CNTNAP3: variants seen among roughly 807,000 people sequenced by gnomAD.
CNTNAP3 encodes contactin-associated protein-like 3.
In CNTNAP3, 36 loss-of-function variants were observed where a neutral mutation model predicts 92.1. The ratio of observed to expected loss-of-function variants is 0.39; its 90% confidence interval spans 0.30 to 0.52. CNTNAP3 has a LOEUF of 0.52. Among genes scored for constraint, CNTNAP3 ranks in the 20% least tolerant of loss-of-function variants. The pLI is 0.76. For synonymous variants in CNTNAP3, 232 were observed against 422.3 expected, an observed-to-expected ratio of 0.55 and a Z score of 5.53; for missense variants, 534 against 1,069.6, an observed-to-expected ratio of 0.50 and a Z score of 6.98.
intron 18 of CNTNAP3, among the ~76,000 whole-genome samples, chr9:39,095,342 C>G (rs1313593266): frequency 1.3e-5 from 2 of 151,638 alleles, no homozygotes; most frequent in Non-Finnish European, 3.0e-5. Context: ...ATGACTTTAG[C>G]TGGAACTTCC....
Position 39,120,249 on chromosome 9 carries a change from T to A in CNTNAP3, c.2081-1990A>T, listed in dbSNP as rs527628157. Among the ~76,000 whole-genome samples, 10 of 152,326 alleles carry A rather than the reference T, an allele frequency of 6.6e-5. No individual in the cohort carries two copies. In the South Asian group the frequency reaches 1.5e-3, roughly 22 times the overall value. On this transcript the variant is annotated intron_variant, in intron 13 of 23. Transcript: ENST00000297668. ...GCCTGTAAAAGAACCCTAATTTGAATGATAGTAGATTACTCATCTGAAATT... is the reference window on the plus strand; with the variant it reads ...GCCTGTAAAAGAACCCTAATTTGAAAGATAGTAGATTACTCATCTGAAATT...
rs1479086710 is a variant in CNTNAP3, at chr9:39,066,747, C to T, written c.*7143G>A. Among the ~76,000 whole-genome samples the T allele has an allele frequency of 5.2e-5, 8 of 152,422 alleles. No homozygotes were observed. In the East Asian group the frequency reaches 1.5e-3, roughly 29 times the overall value. On this transcript the variant is annotated 3_prime_UTR_variant, in exon 24 of 24. Coordinates refer to ENST00000297668, the MANE Select transcript of CNTNAP3 (RefSeq NM_033655.5). Reference sequence around the variant, plus strand: ...TTCCAAAAAGAAGTCTGGTATCATCCTTGTTTTTCTTCTCTGTGTAAGACT... The same window carrying T: ...TTCCAAAAAGAAGTCTGGTATCATCTTTGTTTTTCTTCTCTGTGTAAGACT...
Position 39,103,324 on chromosome 9 carries a change from G to A in CNTNAP3, c.2536+420C>T, listed in dbSNP as rs934514242. Among the ~76,000 whole-genome samples the A allele has an allele frequency of 2.8e-4, 42 of 152,204 alleles. 1 individual carries two copies. The highest frequency in any genetic ancestry group is 4.7e-4 in the Non-Finnish European group (32 of 68,036). On this transcript the variant is annotated intron_variant, in intron 16 of 23. Coordinates refer to ENST00000297668, the MANE Select transcript of CNTNAP3 (RefSeq NM_033655.5). ...TGGCTGGGTGTGGCAGTTCACACCT[G>A]TAATCCCAGCACTTTGGGAACCCGA...
chr9:39,122,173 T>A (rs541324237), intron 13 of CNTNAP3, among the ~76,000 whole-genome samples: 13 of 152,048 alleles, frequency 8.5e-5, no homozygotes, highest in African/African-American at 3.1e-4. Flanking sequence ...GCTAACATGG[T>A]GAAACCCCGT....
intron 16 of CNTNAP3, among the ~76,000 whole-genome samples, chr9:39,103,137 CAA>C (rs1398893454): frequency 6.6e-6 from 1 of 152,244 alleles, no homozygotes; most frequent in Non-Finnish European, 1.5e-5. Flanking sequence ...ACATAAAAAA[CAA>C]TATGTCTGGT....
intron 13 of CNTNAP3, among the ~76,000 whole-genome samples, chr9:39,122,991 G>A (rs941386009): frequency 1.3e-5 from 2 of 151,374 alleles, no homozygotes; most frequent in African/African-American, 2.4e-5. Context: ...GCTGAGGAAA[G>A]AATCAGTGAG....
At chr9:39,102,437 T>G in intron 17 of CNTNAP3, 60 bp downstream of exon 17, 1 of 1,552,016 alleles carries the variant, frequency 6.4e-7, no homozygotes, top group Non-Finnish European at 8.7e-7. Flanking sequence ...ACAGTTCTTA[T>G]TTTCTTTTGG....
intron 18 of CNTNAP3, among the ~76,000 whole-genome samples, chr9:39,093,042 T>G (rs1826244799): frequency 7.0e-6 from 1 of 143,360 alleles, no homozygotes; most frequent in Admixed American, 6.9e-5. Context: ...CTCTCTAGGG[T>G]TACTCTTTGC....
chr9:39,149,840 C>A lies in CNTNAP3; in HGVS notation c.1615G>T (p.Asp539Tyr), dbSNP rs1277610875. The change falls in exon 10 of 24, where the codon GAC becomes TAC. Residue 539 changes from aspartate to tyrosine, a missense_variant. Physicochemically the swap from Asp to Tyr is radical, Grantham distance 160. Coordinates refer to ENST00000297668, the MANE Select transcript of CNTNAP3 (RefSeq NM_033655.5). Reference protein sequence around the residue: ...VQQGALGSFRDLQIDSCGITD... With the variant: ...VQQGALGSFRYLQIDSCGITD... The stretch of plus-strand genomic sequence containing the variant: ...ATGCCGCAGGAGTCTATCTGGAGGT[C>A]CCTGAAACTCCCCAGCGCCCCCTGC... The A allele has an allele frequency of 1.9e-6, 3 of 1,601,748 alleles. No homozygotes were observed. The highest frequency in any genetic ancestry group is 1.7e-6 in the Non-Finnish European group (2 of 1,174,560).
chr9:39,149,271 A>G (rs1274866901), intron 10 of CNTNAP3, among the ~76,000 whole-genome samples: 2 of 152,192 alleles, frequency 1.3e-5, no homozygotes, highest in African/African-American at 4.8e-5. Context: ...TATTAAGGTA[A>G]AATTCATAAG....
At chr9:39,100,202 G>T in intron 17 of CNTNAP3, 52 bp from the exon 18 acceptor site, 1 of 1,370,294 alleles carries the variant, frequency 7.3e-7, no homozygotes, top group Non-Finnish European at 9.9e-7. Flanking sequence ...TTTTATTCAG[G>T]ATTTTATGTC....
At chr9:39,146,084 T>TC (rs1821691304) in intron 10 of CNTNAP3, among the ~76,000 whole-genome samples, 1 of 152,174 alleles carries the variant, frequency 6.6e-6, no homozygotes, top group South Asian at 2.1e-4. Context: ...ATCTAGAGAC[T>TC]ACCAACAAGT....
intron 13 of CNTNAP3, among the ~76,000 whole-genome samples, chr9:39,120,494 AC>A (rs1391380342): frequency 6.6e-6 from 1 of 152,126 alleles, no homozygotes; most frequent in Non-Finnish European, 1.5e-5. Context: ...ACACGGTGAA[AC>A]CCCGTCTCTA....
rs1022799479 is a variant in CNTNAP3 at position 39,073,679 on chromosome 9, C to G, written c.*211G>C. On this transcript the variant is annotated 3_prime_UTR_variant, in exon 24 of 24. Coordinates refer to ENST00000297668, the MANE Select transcript of CNTNAP3 (RefSeq NM_033655.5). Reference sequence around the variant, plus strand: ...ATTGATGTGGAGGACTGTGTTTCACCGAGGGAGAAAGGGACCTCCCAGAGG... The same window carrying G: ...ATTGATGTGGAGGACTGTGTTTCACGGAGGGAGAAAGGGACCTCCCAGAGG... 7.9e-7 allele frequency: 1 copy of G among 1,265,524 alleles called. No individual in the cohort carries two copies. Among genetic ancestry groups the G allele is most frequent in the East Asian group, 2.3e-5 (1 of 42,972 alleles). 78.4% of individuals were successfully genotyped at this position (1,265,524 alleles called of 1,614,324 possible). A position where few individuals can be genotyped will look rare whatever the true frequency, so the allele number is the denominator to read the frequency against.
intron 14 of CNTNAP3, among the ~76,000 whole-genome samples, chr9:39,112,670 T>C (rs1820737807): frequency 6.6e-6 from 1 of 152,158 alleles, no homozygotes; most frequent in Non-Finnish European, 1.5e-5. Flanking sequence ...AGCCCAACTG[T>C]TAATGATTAT....
At chr9:39,093,170 G>A (rs1826247420) in intron 18 of CNTNAP3, among the ~76,000 whole-genome samples, 2 of 119,306 alleles carry the variant, frequency 1.7e-5, no homozygotes, top group South Asian at 6.2e-4. Context: ...GACAATATTT[G>A]TCTTTTGATT....
intron 13 of CNTNAP3, among the ~76,000 whole-genome samples, chr9:39,123,539 T>C (rs535588037): frequency 1.3e-5 from 2 of 152,116 alleles, no homozygotes; most frequent in East Asian, 3.9e-4. Context: ...CATGAAACCA[T>C]AGGTTCAGGA....
chr9:39,096,119 A>G (rs1440994456), intron 18 of CNTNAP3, among the ~76,000 whole-genome samples: 4 of 138,896 alleles, frequency 2.9e-5, no homozygotes, highest in African/African-American at 1.0e-4. Context: ...CCAACAATGA[A>G]AATATATACA....
At position 39,140,630 on chromosome 9, in the gene CNTNAP3, C is replaced by T. The variant is rs143888074; in HGVS notation, c.1765G>A (p.Glu589Lys). 5.6e-6 allele frequency: 9 copies of T among 1,607,748 alleles called. No individual in the cohort carries two copies. The highest frequency in any genetic ancestry group is 2.2e-5 in the East Asian group (1 of 44,822). ...TGCTTGTGGGCTTCACAAGACTGCT[C>T]GTAGAGAGCTGTAGGAGAACACCAG... ...TGETCHSSLY[E>K]QSCEAHKHRG... Residue 589 changes from glutamate to lysine, a missense_variant, in exon 12 of 24, where the codon GAG (glutamate) becomes AAG (lysine). Transcript: ENST00000297668.
Sources: allele counts gnomAD v4.1 joint callset (sites outside exome capture counted in the v4.1 genomes callset), GRCh38; gene constraint gnomAD v4.1.1; transcripts MANE v1.5; gene names NCBI Gene and HGNC (gene_info 2026-07-23, HGNC 2026-07-21).